Variants in AQP9 observed in about 807,000 individuals in gnomAD.
AQP9 encodes aquaporin-9.
AQP9 carries 19 observed loss-of-function variants against 23.8 expected under a neutral mutation model. The ratio of observed to expected loss-of-function variants is 0.80; its 90% CI spans 0.56 to 1.17. The LOEUF is 1.17. Ranked by LOEUF, AQP9 falls within the 50% of genes most tolerant of loss-of-function variation. The pLI is 0.00. For missense variants in AQP9, 413 were observed against 362.0 expected, an observed-to-expected ratio of 1.14 and a Z score of -1.14; for synonymous variants, 153 against 131.5, an observed-to-expected ratio of 1.16 and a Z score of -1.12.
At chr15:58,174,893 T>A (rs373549224) in intron 3 of AQP9, 25 bp from the exon 4 acceptor site, 1 of 1,595,472 alleles carries the variant, frequency 6.3e-7, no homozygotes, top group Non-Finnish European at 8.6e-7. Context: ...GGAACACTAA[T>A]GTGCCAGAGC....
chr15:58,175,922 C>A (rs753991071), intron 4 of AQP9, among the ~76,000 whole-genome samples: 3 of 152,180 alleles, frequency 2.0e-5, no homozygotes, highest in Non-Finnish European at 2.9e-5. Flanking sequence ...GTGCTTGGCC[C>A]TTTGTCTGGA....
chr15:58,153,408 T>G (rs1044955437), intron 1 of AQP9: 1 of 152,142 alleles, frequency 6.6e-6, no homozygotes, highest in African/African-American at 2.4e-5. Flanking sequence ...AAATAATCTA[T>G]GAATCCAAAC....
At chr15:58,167,445 T>A (rs1466055687) in intron 2 of AQP9, among the ~76,000 whole-genome samples, 2 of 152,116 alleles carry the variant, frequency 1.3e-5, no homozygotes, top group Non-Finnish European at 1.5e-5. Context: ...GAGCATTGAG[T>A]CAAGACTTGG....
At chr15:58,174,504 T>C (rs1232181883) in intron 3 of AQP9, among the ~76,000 whole-genome samples, 2 of 152,154 alleles carry the variant, frequency 1.3e-5, no homozygotes, top group Non-Finnish European at 2.9e-5. Context: ...GCATCTTCAG[T>C]ATACTGCAAC....
At chr15:58,183,462 T>C (rs1156732922) in intron 5 of AQP9, among the ~76,000 whole-genome samples, 1 of 152,210 alleles carries the variant, frequency 6.6e-6, no homozygotes, top group Non-Finnish European at 1.5e-5. Context: ...TTAAATTATA[T>C]TTAGAAGGCA....
chr15:58,180,249 G>C (rs1257819228), intron 5 of AQP9, among the ~76,000 whole-genome samples: 1 of 152,152 alleles, frequency 6.6e-6, no homozygotes, highest in Non-Finnish European at 1.5e-5. Context: ...GAGAAAAGTA[G>C]GAAAAACATG....
chr15:58,157,366 C>A (rs552486252), intron 1 of AQP9, among the ~76,000 whole-genome samples: 1 of 152,270 alleles, frequency 6.6e-6, no homozygotes, highest in South Asian at 2.1e-4. Flanking sequence ...GAATACATAC[C>A]ATCTGGGTGA....
chr15:58,144,755 C>G (rs1037042531), intron 1 of AQP9, among the ~76,000 whole-genome samples: 19 of 152,134 alleles, frequency 1.2e-4, no homozygotes, highest in African/African-American at 4.6e-4. Flanking sequence ...GTGGCTCATG[C>G]CTGTAATCCC....
At chr15:58,170,388 G>C (rs1239400399) in intron 2 of AQP9, among the ~76,000 whole-genome samples, 2 of 151,830 alleles carry the variant, frequency 1.3e-5, no homozygotes, top group East Asian at 3.9e-4. Flanking sequence ...ATCTAAATAA[G>C]GCCTCAGATT....
At chr15:58,172,835 A>G (rs898744750) in intron 2 of AQP9, among the ~76,000 whole-genome samples, 1 of 152,138 alleles carries the variant, frequency 6.6e-6, no homozygotes, top group Non-Finnish European at 1.5e-5. Context: ...CTCTCTTTTC[A>G]TCAAGATAAA....
chr15:58,143,123 T>C (rs1356386487), intron 1 of AQP9, among the ~76,000 whole-genome samples: 2 of 152,230 alleles, frequency 1.3e-5, no homozygotes, highest in African/African-American at 4.8e-5. Context: ...CCGTCAGTTT[T>C]ACCTGCCTCT....
chr15:58,149,054 T>C (rs1396930765), intron 1 of AQP9, among the ~76,000 whole-genome samples: 1 of 152,208 alleles, frequency 6.6e-6, no homozygotes, highest in Non-Finnish European at 1.5e-5. Flanking sequence ...TTTGTGACTG[T>C]TTTTGTTATG....
chr15:58,173,515 G>A (rs1217244964), intron 3 of AQP9, among the ~76,000 whole-genome samples: 2 of 152,146 alleles, frequency 1.3e-5, no homozygotes, highest in African/African-American at 4.8e-5. Flanking sequence ...TGCTGTCTCT[G>A]ATTTGGCTGG....
At chr15:58,174,368 T>C (rs1338712487) in intron 3 of AQP9, among the ~76,000 whole-genome samples, 1 of 151,842 alleles carries the variant, frequency 6.6e-6, no homozygotes, top group African/African-American at 2.4e-5. Context: ...CTCTGAGAAT[T>C]AGAGTCTAAA....
At chr15:58,161,138 T>C (rs1461581746) in intron 1 of AQP9, among the ~76,000 whole-genome samples, 2 of 152,044 alleles carry the variant, frequency 1.3e-5, no homozygotes, top group African/African-American at 4.8e-5. Flanking sequence ...GGGGAGAGAC[T>C]GGAGGTGGGG....
At chr15:58,158,386 G>A (rs1301220756) in intron 1 of AQP9, among the ~76,000 whole-genome samples, 2 of 152,068 alleles carry the variant, frequency 1.3e-5, no homozygotes, top group Non-Finnish European at 2.9e-5. Flanking sequence ...TGTAAAATTA[G>A]GCAATTTGCT....
At position 58,157,636 on chromosome 15, in the gene AQP9, A is replaced by G. The variant is rs113199457; in HGVS notation, c.112-9037A>G. 6.4e-3 allele frequency among the ~76,000 whole-genome samples: 970 copies of G among 152,230 alleles called. 15 individuals are homozygous for G. The highest frequency in any genetic ancestry group is 0.022 in the African/African-American group (930 of 41,538). On this transcript the variant is annotated intron_variant, in intron 1 of 5. Transcript: ENST00000219919. ...TAATCAGCGTTAGCGGGGAGTGTGCATTGATAACCACAAAATTGGAAGACA... is the reference window on the plus strand; with the variant it reads ...TAATCAGCGTTAGCGGGGAGTGTGCGTTGATAACCACAAAATTGGAAGACA...
In AQP9 at chr15:58,185,844, T is replaced by A. The variant is rs1366224725; in HGVS notation, c.*1709T>A. 1 of 151,802 alleles carries A rather than the reference T, an allele frequency of 6.6e-6. No homozygotes were observed. Among genetic ancestry groups the A allele is most frequent in the Non-Finnish European group, 1.5e-5 (1 of 67,932 alleles). 9.4% of individuals were successfully genotyped at this position (151,802 alleles called of 1,614,324 possible). A position where few individuals can be genotyped will look rare whatever the true frequency, so the allele number is the denominator to read the frequency against. On this transcript the variant is annotated 3_prime_UTR_variant, in exon 6 of 6. Transcript: ENST00000219919. The stretch of plus-strand genomic sequence containing the variant: ...TTCTACAATCTATGGACATACGGGA[T>A]TTTTTTTTCTTGCTTTGAAGCTACC...
intron 2 of AQP9, among the ~76,000 whole-genome samples, chr15:58,169,352 T>C (rs1044570062): frequency 6.6e-6 from 1 of 152,190 alleles, no homozygotes; most frequent in Admixed American, 6.5e-5. Flanking sequence ...CTATCTCTAT[T>C]TGGAATCTAG....
Sources: gnomAD v4.1 joint callset for allele counts (sites outside exome capture counted in the v4.1 genomes callset) on GRCh38, gnomAD v4.1.1 for gene constraint, MANE v1.5 for transcripts, NCBI Gene and HGNC (gene_info 2026-07-23, HGNC 2026-07-21) for gene names.